Variants in FBXL5 observed in about 807,000 individuals in gnomAD.
FBXL5 encodes F-box/LRR-repeat protein 5.
FBXL5 carries 26 observed loss-of-function variants against 78.3 expected under a neutral mutation model. That is an observed-to-expected ratio of 0.33 (90% confidence interval 0.24 to 0.46). The LOEUF is 0.46. Among genes scored for constraint, FBXL5 ranks in the 20% least tolerant of loss-of-function variants. FBXL5 has a pLI of 1.00. For synonymous variants in FBXL5, 295 were observed against 282.5 expected, an observed-to-expected ratio of 1.04 and a Z score of -0.45; for missense variants, 710 against 829.2, an observed-to-expected ratio of 0.86 and a Z score of 1.77.
intron 9 of FBXL5, among the ~76,000 whole-genome samples, chr4:15,615,435 C>T (rs1002743053): frequency 9.6e-5 from 12 of 124,532 alleles, no homozygotes; most frequent in Admixed American, 3.3e-4. Flanking sequence ...GTAAACACAC[C>T]AATCAGCACC....
intron 1 of FBXL5, among the ~76,000 whole-genome samples, chr4:15,651,313 A>G (rs943162020): frequency 1.3e-5 from 2 of 152,218 alleles, no homozygotes; most frequent in African/African-American, 4.8e-5. Context: ...GGGAAAAAAA[A>G]TCCTAAGATT....
At chr4:15,646,618 C>T (rs1249684274) in intron 1 of FBXL5, among the ~76,000 whole-genome samples, 1 of 151,946 alleles carries the variant, frequency 6.6e-6, no homozygotes, top group East Asian at 1.9e-4. Context: ...CATATGTATA[C>T]ATGTGCCATG....
chr4:15,623,134 T>C (rs996126511), intron 9 of FBXL5, among the ~76,000 whole-genome samples: 1 of 151,968 alleles, frequency 6.6e-6, no homozygotes, highest in Non-Finnish European at 1.5e-5. Context: ...AGGGAAACTC[T>C]TTGGTATTCA....
At chr4:15,639,980 G>A (rs1053422511) in intron 3 of FBXL5, among the ~76,000 whole-genome samples, 42 of 152,192 alleles carry the variant, frequency 2.8e-4, no homozygotes, top group African/African-American at 9.9e-4. Flanking sequence ...AAGGGAAAAC[G>A]TTTTGCCCAT....
chr4:15,677,606 C>T (rs1401261897), intron 1 of FBXL5, among the ~76,000 whole-genome samples: 1 of 152,180 alleles, frequency 6.6e-6, no homozygotes, highest in Non-Finnish European at 1.5e-5. Flanking sequence ...TCATTGGAAG[C>T]TCAAGGGGCT....
chr4:15,624,067 ACCAGCCTTGGCCTC>A (rs1256882518), intron 9 of FBXL5, among the ~76,000 whole-genome samples: 1 of 151,914 alleles, frequency 6.6e-6, no homozygotes, highest in Admixed American at 6.6e-5. Context: ...CTCGTGATCC[ACCAGCCTTGGCCTC>A]CCAAAGTGCT....
intron 5 of FBXL5, among the ~76,000 whole-genome samples, chr4:15,631,482 G>A (rs1475098157): frequency 1.3e-5 from 2 of 152,152 alleles, no homozygotes; most frequent in African/African-American, 2.4e-5. Flanking sequence ...AGATCCTTAA[G>A]GAATCGCCAC....
At chr4:15,644,402 C>T in intron 2 of FBXL5, 91 bp downstream of exon 2, 1 of 1,020,070 alleles carries the variant, frequency 9.8e-7, no homozygotes, top group Admixed American at 2.3e-5. Context: ...AACATTACAT[C>T]ATTTACTATA....
chr4:15,649,782 T>G (rs568887302), intron 1 of FBXL5, among the ~76,000 whole-genome samples: 18 of 152,190 alleles, frequency 1.2e-4, no homozygotes, highest in African/African-American at 4.1e-4. Context: ...CCTAGTGTTT[T>G]TATATATTTA....
At chr4:15,652,223 A>G (rs1716163813) in intron 1 of FBXL5, among the ~76,000 whole-genome samples, 1 of 152,222 alleles carries the variant, frequency 6.6e-6, no homozygotes, top group Non-Finnish European at 1.5e-5. Context: ...TCCCAGTCTG[A>G]AAGGTCAGTG....
chr4:15,618,872 A>C lies in FBXL5; in HGVS notation c.1850+6380T>G, dbSNP rs558622033. ...GAAGAATTAACATCAACCTTTCTCA[A>C]GCTCTGCCAAAAGAGGGCTGGGTGT... On this transcript the variant is annotated intron_variant, in intron 9 of 10. Transcript: ENST00000341285. 3.9e-5 allele frequency among the ~76,000 whole-genome samples: 6 copies of C among 151,958 alleles called. No individual in the cohort carries two copies. In the East Asian group the frequency reaches 1.2e-3, roughly 30 times the overall value.
intron 1 of FBXL5, among the ~76,000 whole-genome samples, chr4:15,678,886 A>C (rs1718092116): frequency 6.6e-6 from 1 of 152,132 alleles, no homozygotes; most frequent in Non-Finnish European, 1.5e-5. Flanking sequence ...GTTGGTTCAT[A>C]TTTGCAGATC....
chr4:15,612,515 G>A (rs1722340725), intron 9 of FBXL5, 101 bp from the exon 10 acceptor site: 2 of 1,091,912 alleles, frequency 1.8e-6, no homozygotes, highest in African/African-American at 1.8e-5. Flanking sequence ...TTTCAATATG[G>A]TAATGAGAAA....
intron 5 of FBXL5, 69 bp downstream of exon 5, chr4:15,636,425 G>C (rs1714272461): frequency 2.5e-6 from 3 of 1,221,630 alleles, no homozygotes; most frequent in South Asian, 1.9e-5. Context: ...CTCTGGCCTT[G>C]CTCATTAATG....
intron 1 of FBXL5, among the ~76,000 whole-genome samples, chr4:15,646,677 C>T (rs934979730): frequency 7.3e-5 from 11 of 150,928 alleles, no homozygotes; most frequent in Middle Eastern, 3.4e-3. Context: ...GGTATATCTC[C>T]CAATGCTATC....
chr4:15,637,383 G>C (rs1481676813), intron 4 of FBXL5, among the ~76,000 whole-genome samples: 1 of 152,086 alleles, frequency 6.6e-6, no homozygotes, highest in Non-Finnish European at 1.5e-5. Flanking sequence ...AAATAAAAAT[G>C]AAAATGAAGT....
At chr4:15,654,127 G>C (rs758286036) in intron 1 of FBXL5, among the ~76,000 whole-genome samples, 8 of 152,274 alleles carry the variant, frequency 5.3e-5, no homozygotes, top group Middle Eastern at 3.4e-3. Context: ...TCCTCCAATC[G>C]CCTGGCTGAG....
intron 1 of FBXL5, among the ~76,000 whole-genome samples, chr4:15,649,578 CAAAAAAAA>C (rs34238482): frequency 7.3e-4 from 59 of 81,354 alleles, no homozygotes; most frequent in Admixed American, 2.4e-3. Context: ...GACTACGTCT[CAAAAAAAA>C]AAAAAAAAAA....
At chr4:15,642,207 C>T (rs933358352) in intron 2 of FBXL5, among the ~76,000 whole-genome samples, 1 of 151,798 alleles carries the variant, frequency 6.6e-6, no homozygotes. Flanking sequence ...TATCAGCCCT[C>T]TCAAAGCATG....
Sources: allele counts gnomAD v4.1 joint callset (sites outside exome capture counted in the v4.1 genomes callset), GRCh38; gene constraint gnomAD v4.1.1; transcripts MANE v1.5; gene names NCBI Gene and HGNC (gene_info 2026-07-23, HGNC 2026-07-21).